Variants in KLHDC4 observed in about 807,000 individuals in gnomAD.
The protein encoded by KLHDC4 is kelch domain containing 4.
Under a neutral mutation model 62.4 loss-of-function variants are expected in KLHDC4, and 90 were observed. The observed-to-expected ratio is 1.44, with a 90% CI of 1.22 to 1.72. The LOEUF is 1.72. Among genes scored for constraint, KLHDC4 ranks in the 40% most tolerant of loss-of-function variants. The pLI, the probability that KLHDC4 is intolerant of heterozygous loss-of-function variation, is 0.00. For synonymous variants in KLHDC4, 386 were observed against 284.4 expected (o/e 1.36, Z -3.59); for missense variants, 1,025 against 699.7 (o/e 1.47, Z -5.25).
At chr16:87,725,284 C>T (rs1359304829) in intron 7 of KLHDC4, among the ~76,000 whole-genome samples, 2 of 152,128 alleles carry the variant, frequency 1.3e-5, no homozygotes, top group Non-Finnish European at 2.9e-5. Flanking sequence ...GTCAATGACG[C>T]ATAGGAAATT....
intron 7 of KLHDC4, among the ~76,000 whole-genome samples, chr16:87,720,296 G>A (rs778505446): frequency 4.6e-5 from 7 of 152,170 alleles, no homozygotes; most frequent in African/African-American, 1.7e-4. Context: ...GATGTTCACC[G>A]AAATCACAAT....
At chr16:87,762,120 A>T (rs1236696589) in intron 1 of KLHDC4, 80 bp from the exon 2 acceptor site, 1 of 1,581,478 alleles carries the variant, frequency 6.3e-7, no homozygotes, top group East Asian at 2.3e-5. Flanking sequence ...CTTTCCTCCA[A>T]TCAGTGTGAT....
rs192992812 is a variant in KLHDC4 at position 87,752,791 on chromosome 16, A to T, written c.369+2403T>A. Reference sequence around the variant, plus strand: ...ATAATGAACACCAGGGAAAAAAATAAATATGACTCAAGGGAAGATTAAAAC... The same window carrying T: ...ATAATGAACACCAGGGAAAAAAATATATATGACTCAAGGGAAGATTAAAAC... On this transcript the variant is annotated intron_variant, in intron 4 of 11. Transcript: ENST00000270583. Among the ~76,000 whole-genome samples the T allele has an allele frequency of 6.8e-4, 103 of 152,330 alleles. 1 individual carries two copies. The highest frequency in any genetic ancestry group is 6.2e-3 in the South Asian group (30 of 4,828).
At chr16:87,759,335 G>C (rs2045509969) in intron 2 of KLHDC4, among the ~76,000 whole-genome samples, 1 of 151,136 alleles carries the variant, frequency 6.6e-6, no homozygotes, top group South Asian at 2.1e-4. Context: ...AGGAATTTGA[G>C]GCCAGCCTGA....
rs1302528320 is a variant in KLHDC4 at position 87,756,490 on chromosome 16, C to T, written c.192-13G>A. 6.2e-7 allele frequency: 1 copy of T among 1,609,202 alleles called. No homozygotes were observed. Among genetic ancestry groups the T allele is most frequent in the East Asian group, 2.2e-5 (1 of 44,844 alleles). On this transcript the variant is annotated splice_polypyrimidine_tract_variant and intron_variant, in intron 2 of 11. Coordinates refer to ENST00000270583, the MANE Select transcript of KLHDC4 (RefSeq NM_017566.4). ...GGAGGCATTTAACCTACAAGACACACAAGCGGCAGGTCAGCAAGATCACCC... is the reference window on the plus strand; with the variant it reads ...GGAGGCATTTAACCTACAAGACACATAAGCGGCAGGTCAGCAAGATCACCC...
downstream of KLHDC4, among the ~76,000 whole-genome samples, chr16:87,707,491 G>A (rs2034891436): frequency 6.6e-6 from 1 of 152,204 alleles, no homozygotes; most frequent in South Asian, 2.1e-4. Context: ...AGCCAGCGGT[G>A]CTTCACGTGA....
intron 5 of KLHDC4, among the ~76,000 whole-genome samples, chr16:87,745,250 C>A (rs1334229328): frequency 6.6e-6 from 1 of 152,140 alleles, no homozygotes. Context: ...CTGGGGCCGG[C>A]CATAGGGTGC....
At chr16:87,760,678 G>C (rs2143446351) in intron 2 of KLHDC4, among the ~76,000 whole-genome samples, 1 of 151,334 alleles carries the variant, frequency 6.6e-6, no homozygotes, top group South Asian at 2.1e-4. Context: ...CTTTCCTCAG[G>C]AGTGCTATAT....
At chr16:87,713,546 G>T (rs778448264) in intron 8 of KLHDC4, among the ~76,000 whole-genome samples, 32 of 152,154 alleles carry the variant, frequency 2.1e-4, no homozygotes, top group Non-Finnish European at 5.9e-5. Flanking sequence ...TGATTGAAAA[G>T]TAGCAGGCCA....
intron 2 of KLHDC4, among the ~76,000 whole-genome samples, chr16:87,759,474 C>T (rs1044432460): frequency 2.0e-5 from 3 of 151,206 alleles, no homozygotes; most frequent in Non-Finnish European, 2.9e-5. Context: ...AGGCCGGGTA[C>T]AGTGGCTCAC....
intron 7 of KLHDC4, among the ~76,000 whole-genome samples, chr16:87,717,007 A>G (rs2142984642): frequency 6.6e-6 from 1 of 152,338 alleles, no homozygotes; most frequent in East Asian, 1.9e-4. Flanking sequence ...CAAGGTGGGC[A>G]GACTGCTTGA....
chr16:87,761,974 G>T lies in KLHDC4; in HGVS notation c.166C>A (p.Leu56Ile), dbSNP rs2303772. Residue 56 changes from leucine to isoleucine, a missense_variant, in exon 2 of 12, where the codon CTT becomes ATT. Leu to Ile is a conservative substitution (Grantham distance 5, BLOSUM62 2). Transcript: ENST00000270583. ...CTTGGTGAGGGTGGGGGGCACGGAA[G>T]TTCCACAGTCTGAGTCCTCTTGGCA... ...LDAKRTQTVE[L>I]PCPPPSPRLN... 12 of 1,613,718 alleles carry T rather than the reference G, an allele frequency of 7.4e-6. No individual in the cohort carries two copies. In the Admixed American group the frequency reaches 1.2e-4, roughly 16 times the overall value.
intron 4 of KLHDC4, among the ~76,000 whole-genome samples, chr16:87,753,803 A>T (rs1430238067): frequency 2.3e-5 from 3 of 130,166 alleles, no homozygotes; most frequent in Non-Finnish European, 4.8e-5. Context: ...CTCCATCTCA[A>T]GGAGAAAAAA....
intron 5 of KLHDC4, among the ~76,000 whole-genome samples, chr16:87,731,814 A>C (rs2040425098): frequency 6.6e-6 from 1 of 152,246 alleles, no homozygotes; most frequent in African/African-American, 2.4e-5. Context: ...CAGTGGGTGA[A>C]TGAACAGCAT....
chr16:87,727,835 G>C (rs1292374534), intron 6 of KLHDC4, among the ~76,000 whole-genome samples: 1 of 152,146 alleles, frequency 6.6e-6, no homozygotes, highest in Non-Finnish European at 1.5e-5. Flanking sequence ...TTCCTGTTTT[G>C]TGTGAAGCAG....
In KLHDC4 at chr16:87,755,436, G is replaced by A. The variant is rs2044722038; in HGVS notation, c.271-144C>T. ...TACCAGCACAGGGAGGCCATGGGCTGGGTCCCCGGGGCCATTGGGGATGAC... is the reference window on the plus strand; with the variant it reads ...TACCAGCACAGGGAGGCCATGGGCTAGGTCCCCGGGGCCATTGGGGATGAC... On this transcript the variant is annotated intron_variant, in intron 3 of 11. Coordinates refer to ENST00000270583, the MANE Select transcript of KLHDC4 (RefSeq NM_017566.4). The A allele has an allele frequency of 5.6e-6, 3 of 535,984 alleles. No homozygotes were observed. In the Admixed American group the frequency reaches 9.6e-5, roughly 17 times the overall value. The allele number at this position is 535,984 out of a possible 1,614,324, so 33.2% of individuals were successfully genotyped here. A position where few individuals can be genotyped will look rare whatever the true frequency, so the allele number is the denominator to read the frequency against.
chr16:87,729,116 C>G (rs970285363), intron 6 of KLHDC4, among the ~76,000 whole-genome samples: 2 of 152,070 alleles, frequency 1.3e-5, no homozygotes, highest in African/African-American at 4.8e-5. Flanking sequence ...TTAAATCTTT[C>G]CCCCTTGAAA....
At chr16:87,700,191 C>CAT (rs948885766) in exon 1 of KLHDC4, 3 of 153,472 alleles carry the variant, frequency 2.0e-5, no homozygotes, top group African/African-American at 7.2e-5. Flanking sequence ...TCCTCTAGGT[C>CAT]ATGCTCACTT....
At chr16:87,745,053 T>C (rs921000572) in intron 5 of KLHDC4, among the ~76,000 whole-genome samples, 6 of 152,382 alleles carry the variant, frequency 3.9e-5, no homozygotes, top group Middle Eastern at 3.4e-3. Context: ...TCCTGTTTTT[T>C]GTATATATTT....
Sources: allele counts gnomAD v4.1 joint callset (sites outside exome capture counted in the v4.1 genomes callset), GRCh38; gene constraint gnomAD v4.1.1; transcripts MANE v1.5; gene names NCBI Gene and HGNC (gene_info 2026-07-23, HGNC 2026-07-21).